The following TRHDE variants were observed in gnomAD, a reference collection of about 807,000 sequenced individuals.
TRHDE encodes thyrotropin releasing hormone degrading enzyme.
TRHDE carries 72 observed loss-of-function variants against 125.7 expected under a neutral mutation model. The observed-to-expected ratio is 0.57, with a 90% CI of 0.47 to 0.70. The LOEUF (loss-of-function observed/expected upper bound fraction) is 0.70, where lower values mean the gene tolerates loss of function less well. Among genes scored for constraint, TRHDE ranks in the 30% least tolerant of loss-of-function variants. TRHDE has a pLI of 0.00. For synonymous variants in TRHDE, 509 were observed against 509.1 expected, an observed-to-expected ratio of 1.00 and a Z score of 0.00; for missense variants, 1,110 against 1,327.1, an observed-to-expected ratio of 0.84 and a Z score of 2.54.
At chr12:72,612,220 A>G (rs948266688) in intron 12 of TRHDE, among the ~76,000 whole-genome samples, 4 of 152,162 alleles carry the variant, frequency 2.6e-5, no homozygotes, top group African/African-American at 7.2e-5. Flanking sequence ...AGAATCTGTC[A>G]ACCTGTTCTC....
chr12:72,172,865 G>T (rs1305782962), intron 2 of TRHDE, among the ~76,000 whole-genome samples: 3 of 152,098 alleles, frequency 2.0e-5, no homozygotes, highest in African/African-American at 7.2e-5. Flanking sequence ...TTTAATGTTG[G>T]TTTTACTCAA....
Position 72,126,503 on chromosome 12 carries a change from G to C in TRHDE, n.279+20751G>C, listed in dbSNP as rs149288758. On this transcript the variant is annotated intron_variant and non_coding_transcript_variant, in intron 2 of 4. Transcript: ENST00000548156. The stretch of plus-strand genomic sequence containing the variant: ...ATAGGGTGATACTGGTCCAAAAACA[G>C]ACACAAGGAACACTGGAACAGAATA... 3.1e-4 allele frequency among the ~76,000 whole-genome samples: 47 copies of C among 152,240 alleles called. No individual in the cohort carries two copies. In the East Asian group the frequency reaches 8.9e-3, roughly 29 times the overall value.
intron 2 of TRHDE, among the ~76,000 whole-genome samples, chr12:72,135,057 C>A (rs1875950748): frequency 6.6e-6 from 1 of 151,692 alleles, no homozygotes; most frequent in Non-Finnish European, 1.5e-5. Flanking sequence ...AAAGAAAAGA[C>A]AAGGATGTGA....
chr12:72,241,983 C>A (rs1336541766), intron 2 of TRHDE, among the ~76,000 whole-genome samples: 1 of 152,106 alleles, frequency 6.6e-6, no homozygotes, highest in Non-Finnish European at 1.5e-5. Context: ...AAGTCTCTTG[C>A]CCATTTTTAG....
chr12:72,091,396 A>G (rs1257895055), intron 1 of TRHDE, among the ~76,000 whole-genome samples: 1 of 152,228 alleles, frequency 6.6e-6, no homozygotes, highest in Non-Finnish European at 1.5e-5. Flanking sequence ...CATGTAAGGT[A>G]CAAGCCTCTT....
At chr12:72,101,393 T>C (rs1400066522) in intron 1 of TRHDE, among the ~76,000 whole-genome samples, 1 of 152,146 alleles carries the variant, frequency 6.6e-6, no homozygotes, top group East Asian at 1.9e-4. Flanking sequence ...CTGCTTTGAG[T>C]CTTGGTTTCA....
chr12:72,273,656 C>A lies in TRHDE; in HGVS notation c.914+99C>A. 1 of 1,204,566 alleles carries A rather than the reference C, an allele frequency of 8.3e-7. No individual in the cohort carries two copies. The highest frequency in any genetic ancestry group is 1.2e-6 in the Non-Finnish European group (1 of 863,890). The allele number at this position is 1,204,566 out of a possible 1,614,324, so 74.6% of individuals were successfully genotyped here. ...CGGGGACCCAGCTGGCTTCCAATAC[C>A]CGGGAAGCCAGGGGTGGGGGGAAGG... On this transcript the variant is annotated intron_variant, in intron 1 of 18. Transcript: ENST00000261180. This position sits in a 1 kb window ranked among gnomAD's most constrained non-coding sequence, Gnocchi z 5.3.
rs113032590 is a variant in TRHDE, at chr12:72,593,005, G to A, written c.2321+17463G>A. Among the ~76,000 whole-genome samples the A allele has an allele frequency of 2.5e-3, 377 of 152,264 alleles. 3 individuals carry two copies. Among genetic ancestry groups the A allele is most frequent in the African/African-American group, 8.8e-3 (365 of 41,550 alleles). ...TGGGATTACAGGCGTGAGCCACCGC[G>A]CCCCGCTGGTGAAATTTTTAAAATC... On this transcript the variant is annotated intron_variant, in intron 12 of 18. Coordinates refer to ENST00000261180, the MANE Select transcript of TRHDE (RefSeq NM_013381.3).
At chr12:72,139,955 C>T (rs946590147) in intron 2 of TRHDE, among the ~76,000 whole-genome samples, 3 of 152,194 alleles carry the variant, frequency 2.0e-5, no homozygotes, top group Admixed American at 2.0e-4. Flanking sequence ...ACGAAACAGA[C>T]TCTTCATGGC....
intron 3 of TRHDE, among the ~76,000 whole-genome samples, chr12:72,441,574 C>T (rs1875014890): frequency 6.6e-6 from 1 of 151,818 alleles, no homozygotes; most frequent in Admixed American, 6.6e-5. Context: ...TCTGGAGAAT[C>T]TCTGAAAATG....
chr12:72,364,313 TC>T (rs1270161502), intron 2 of TRHDE, among the ~76,000 whole-genome samples: 1 of 152,052 alleles, frequency 6.6e-6, no homozygotes, highest in African/African-American at 2.4e-5. Flanking sequence ...GAAACCTATA[TC>T]CGTGTTACTT....
intron 1 of TRHDE, among the ~76,000 whole-genome samples, chr12:72,284,906 GA>G (rs966638877): frequency 2.0e-5 from 3 of 152,090 alleles, no homozygotes; most frequent in African/African-American, 7.2e-5. Flanking sequence ...GGAAAGCCTG[GA>G]AAACATATTT....
chr12:72,527,501 G>C (rs1868356644), intron 6 of TRHDE, among the ~76,000 whole-genome samples: 1 of 151,608 alleles, frequency 6.6e-6, no homozygotes. Context: ...AGAAGAAATG[G>C]CCATCAGAGG....
chr12:72,105,226 G>A (rs1592441979), intron 1 of TRHDE, among the ~76,000 whole-genome samples: 1 of 152,174 alleles, frequency 6.6e-6, no homozygotes, highest in Non-Finnish European at 1.5e-5. Context: ...CTGCATTAAA[G>A]CTGCCATTGT....
chr12:72,213,992 C>T (rs1877836469), intron 2 of TRHDE, among the ~76,000 whole-genome samples: 2 of 151,986 alleles, frequency 1.3e-5, no homozygotes, highest in Admixed American at 6.6e-5. Context: ...TCCTTTTAAT[C>T]GTTGGTCAGT....
At chr12:72,335,114 A>C (rs1286361852) in intron 2 of TRHDE, among the ~76,000 whole-genome samples, 1 of 152,190 alleles carries the variant, frequency 6.6e-6, no homozygotes, top group Non-Finnish European at 1.5e-5. Context: ...AAGGGTGACT[A>C]TGCCCTGCTT....
chr12:72,516,619 A>G (rs892790411), intron 6 of TRHDE, among the ~76,000 whole-genome samples: 3 of 151,988 alleles, frequency 2.0e-5, no homozygotes, highest in Non-Finnish European at 4.4e-5. Context: ...CTCTTTTCCT[A>G]ATTGAATACC....
intron 3 of TRHDE, among the ~76,000 whole-genome samples, chr12:72,469,472 T>A (rs545628647): frequency 6.6e-6 from 1 of 152,210 alleles, no homozygotes; most frequent in South Asian, 2.1e-4. Context: ...CCTTGACTTA[T>A]GAAATTTATT....
At chr12:72,416,708 G>C (rs1873745317) in intron 3 of TRHDE, among the ~76,000 whole-genome samples, 1 of 151,874 alleles carries the variant, frequency 6.6e-6, no homozygotes, top group African/African-American at 2.4e-5. Context: ...TTTATTTCTG[G>C]GTTCTCTATT....
Sources: allele counts gnomAD v4.1 joint callset (sites outside exome capture counted in the v4.1 genomes callset), GRCh38; gene constraint gnomAD v4.1.1; non-coding constraint Gnocchi (gnomAD v3.1); transcripts MANE v1.5; gene names NCBI Gene and HGNC (gene_info 2026-07-23, HGNC 2026-07-21).